MAP4K4: variants seen among roughly 807,000 people sequenced by gnomAD.
MAP4K4 encodes the protein mitogen-activated protein kinase kinase kinase kinase 4, also known as HPK/GCK-like kinase HGK.
MAP4K4 carries 38 observed loss-of-function variants against 189.6 expected under a neutral mutation model. The ratio of observed to expected loss-of-function variants is 0.20; its 90% CI spans 0.15 to 0.26. The LOEUF is 0.26. MAP4K4 is among the 10% of genes least tolerant of loss of function. The pLI, the probability that MAP4K4 is intolerant of heterozygous loss-of-function variation, is 1.00. For synonymous variants in MAP4K4, 610 were observed against 624.3 expected, an observed-to-expected ratio of 0.98 and a Z score of 0.34; for missense variants, 1,054 against 1,726.9, an observed-to-expected ratio of 0.61 and a Z score of 6.91.
chr2:101,827,566 T>C (rs2096415547), intron 5 of MAP4K4, among the ~76,000 whole-genome samples: 3 of 152,148 alleles, frequency 2.0e-5, no homozygotes, highest in Admixed American at 1.3e-4. Context: ...TCACTAGATG[T>C]TGGATTTAGA....
chr2:101,884,957 A>G (rs1199938739), intron 28 of MAP4K4, among the ~76,000 whole-genome samples: 1 of 152,218 alleles, frequency 6.6e-6, no homozygotes, highest in African/African-American at 2.4e-5. Flanking sequence ...ATCTATTATA[A>G]GAAGATTAGG....
chr2:101,775,217 T>C (rs1399594955), intron 2 of MAP4K4, among the ~76,000 whole-genome samples: 1 of 151,886 alleles, frequency 6.6e-6, no homozygotes, highest in Non-Finnish European at 1.5e-5. Context: ...TGGGGACAGC[T>C]GGCCTATATC....
chr2:101,807,109 G>A (rs1212317412), intron 3 of MAP4K4, among the ~76,000 whole-genome samples: 3 of 151,342 alleles, frequency 2.0e-5, no homozygotes, highest in East Asian at 1.9e-4. Flanking sequence ...CTAGAGTGCA[G>A]TGGTTTGATA....
At chr2:101,745,063 A>G (rs1376534252) in intron 2 of MAP4K4, among the ~76,000 whole-genome samples, 2 of 152,192 alleles carry the variant, frequency 1.3e-5, no homozygotes, top group Middle Eastern at 6.3e-3. Flanking sequence ...AGTGTAGCAG[A>G]TTTAAAAGTG....
chr2:101,798,530 T>G (rs575642674), intron 3 of MAP4K4, among the ~76,000 whole-genome samples: 1 of 152,320 alleles, frequency 6.6e-6, no homozygotes, highest in East Asian at 1.9e-4. Flanking sequence ...TGACGACAGT[T>G]GGAATTCAGA....
At chr2:101,846,027 T>C (rs996129659) in intron 12 of MAP4K4, among the ~76,000 whole-genome samples, 1 of 152,208 alleles carries the variant, frequency 6.6e-6, no homozygotes, top group Non-Finnish European at 1.5e-5. Context: ...TGAAAACTCT[T>C]TATAATTTGC....
chr2:101,884,373 C>T (rs566442796), intron 28 of MAP4K4, among the ~76,000 whole-genome samples: 2 of 152,228 alleles, frequency 1.3e-5, no homozygotes, highest in African/African-American at 4.8e-5. Context: ...GAAACAGTAC[C>T]GGTTTTGTCA....
chr2:101,786,697 A>G (rs1322325883), intron 2 of MAP4K4, among the ~76,000 whole-genome samples: 1 of 152,218 alleles, frequency 6.6e-6, no homozygotes, highest in Non-Finnish European at 1.5e-5. Context: ...TGTATATAAA[A>G]TCACTGTGGA....
intron 2 of MAP4K4, among the ~76,000 whole-genome samples, chr2:101,770,752 A>T (rs2081026975): frequency 6.6e-6 from 1 of 152,216 alleles, no homozygotes; most frequent in African/African-American, 2.4e-5. Context: ...GAGAAGCCTT[A>T]CCTGGGATTC....
chr2:101,803,283 T>A (rs4851501), intron 3 of MAP4K4, among the ~76,000 whole-genome samples: 92 of 129,968 alleles, frequency 7.1e-4, no homozygotes, highest in African/African-American at 2.5e-3. Flanking sequence ...GTGTGTGTGT[T>A]TGTGTGTGTG....
intron 2 of MAP4K4, among the ~76,000 whole-genome samples, chr2:101,742,612 C>T (rs935943841): frequency 2.6e-5 from 4 of 152,182 alleles, no homozygotes; most frequent in Non-Finnish European, 4.4e-5. Context: ...TGCTTTCCCA[C>T]TTCCTCTGGC....
At chr2:101,706,120 A>G (rs1573862098) in intron 2 of MAP4K4, among the ~76,000 whole-genome samples, 2 of 152,306 alleles carry the variant, frequency 1.3e-5, no homozygotes, top group East Asian at 3.9e-4. Flanking sequence ...GCTCATACCA[A>G]AAGTCAGAGT....
chr2:101,830,587 T>C (rs1177053331), intron 6 of MAP4K4, among the ~76,000 whole-genome samples: 3 of 152,218 alleles, frequency 2.0e-5, no homozygotes, highest in African/African-American at 7.2e-5. Context: ...TCATAGTTAC[T>C]TTCTTGCCTG....
intron 21 of MAP4K4, 24 bp downstream of exon 21, chr2:101,868,061 C>T: frequency 6.2e-7 from 1 of 1,610,380 alleles, no homozygotes; most frequent in Non-Finnish European, 8.5e-7. Context: ...CTGAAAAGTT[C>T]CACTTCAGAG....
At chr2:101,746,925 A>G (rs2065891807) in intron 2 of MAP4K4, among the ~76,000 whole-genome samples, 1 of 152,130 alleles carries the variant, frequency 6.6e-6, no homozygotes, top group African/African-American at 2.4e-5. Flanking sequence ...TTTTACTGGT[A>G]GGGTTCTTAA....
intron 2 of MAP4K4, among the ~76,000 whole-genome samples, chr2:101,714,222 C>A (rs1419778279): frequency 6.6e-6 from 1 of 152,026 alleles, no homozygotes; most frequent in Non-Finnish European, 1.5e-5. Flanking sequence ...TAATTTTTTT[C>A]AACTATTTAT....
intron 5 of MAP4K4, 75 bp downstream of exon 5, chr2:101,825,504 ACTT>A: frequency 2.3e-6 from 2 of 873,084 alleles, no homozygotes; most frequent in Non-Finnish European, 3.7e-6. Flanking sequence ...AGCCCCAAGT[ACTT>A]CTTTGCATTA....
At chr2:101,737,150 T>TG (rs1462009375) in intron 2 of MAP4K4, among the ~76,000 whole-genome samples, 2 of 152,054 alleles carry the variant, frequency 1.3e-5, no homozygotes, top group Non-Finnish European at 2.9e-5. Context: ...GCTGCCATTC[T>TG]GACACTTAGT....
rs1553478618 is a variant in MAP4K4, at chr2:101,797,889, G to GTGTT, written c.180+7114_180+7115insGTTT. On this transcript the variant is annotated intron_variant, in intron 3 of 32. Coordinates refer to ENST00000324219, the Ensembl canonical transcript of MAP4K4. ...TGAAGCTTTTTAAAACATTCTTTTA[G>GTGTT]TTTTTTTTTTTTTTTTTTTTTGGAG... 1.2e-3 allele frequency among the ~76,000 whole-genome samples: 65 copies of GTGTT among 52,314 alleles called. 11 individuals carry two copies. The highest frequency in any genetic ancestry group is 0.016 in the Middle Eastern group (1 of 64). The allele number at this position is 52,314 out of a possible 152,430, so 34.3% of individuals were successfully genotyped here.
Sources: allele counts gnomAD v4.1 joint callset (sites outside exome capture counted in the v4.1 genomes callset), GRCh38; gene constraint gnomAD v4.1.1; transcripts MANE v1.5; gene names NCBI Gene and HGNC (gene_info 2026-07-23, HGNC 2026-07-21).